Variants in TSPAN4 observed in about 807,000 individuals in gnomAD.
The protein encoded by TSPAN4 is tetraspanin-4.
A neutral mutation model predicts 31.5 loss-of-function variants in TSPAN4; 38 were observed. That is an observed-to-expected ratio of 1.21 (90% CI 0.93 to 1.58). The LOEUF (loss-of-function observed/expected upper bound fraction) is 1.58, where lower values mean the gene tolerates loss of function less well. Among genes scored for constraint, TSPAN4 ranks in the 40% most tolerant of loss-of-function variants. TSPAN4 has a pLI of 0.00. For synonymous variants in TSPAN4, 186 were observed against 144.6 expected, an observed-to-expected ratio of 1.29 and a Z score of -2.06; for missense variants, 330 against 317.3, an observed-to-expected ratio of 1.04 and a Z score of -0.30.
At chr11:856,843 C>T (rs1195590394) in intron 3 of TSPAN4, 3 of 152,262 alleles carry the variant, frequency 2.0e-5, no homozygotes, top group African/African-American at 4.8e-5. Context: ...ATTTTCCTGC[C>T]AAAATGTTTT....
intron 3 of TSPAN4, among the ~76,000 whole-genome samples, chr11:855,602 C>G (rs1243816477): frequency 6.6e-6 from 1 of 152,194 alleles, no homozygotes; most frequent in African/African-American, 2.4e-5. Context: ...TCTCTGGGCC[C>G]TGGGGTCCCT....
intron 4 of TSPAN4, 129 bp from the exon 5 acceptor site, chr11:864,308 T>TGG (rs1430124407): frequency 8.7e-7 from 1 of 1,148,730 alleles, no homozygotes; most frequent in African/African-American, 1.5e-5. Context: ...TCTCTGGGAG[T>TGG]GGGGGCCTGG....
At chr11:862,215 C>T (rs892964254) in intron 3 of TSPAN4, 11 of 327,820 alleles carry the variant, frequency 3.4e-5, no homozygotes, top group African/African-American at 8.6e-5. Context: ...GTGCAGACTG[C>T]GTCCTGGGGC....
At chr11:852,702 T>G (rs1847821262) in intron 3 of TSPAN4, among the ~76,000 whole-genome samples, 1 of 152,332 alleles carries the variant, frequency 6.6e-6, no homozygotes, top group Non-Finnish European at 1.5e-5. Context: ...AGGGCTCCTT[T>G]CCTTTTGGGG....
chr11:850,131 AGCCTATACGGGCGC>A, intron 2 of TSPAN4, 143 bp from the exon 3 acceptor site: 1 of 539,084 alleles, frequency 1.9e-6, no homozygotes, highest in South Asian at 2.4e-5. Context: ...GCGCTACAGC[AGCCTATACGGGCGC>A]GCGGGCGGCG....
chr11:865,739 T>A lies in TSPAN4; in HGVS notation c.478T>A (p.Tyr160Asn). The change falls in exon 7 of 9, where the codon TAC becomes AAC. Residue 160 changes from tyrosine (Y) to asparagine (N), a missense_variant. Physicochemically the swap from Tyr to Asn is moderately radical, Grantham distance 143. Coordinates refer to ENST00000397397, the MANE Select transcript of TSPAN4 (RefSeq NM_003271.5). ...CAACTACACTGACTGGTTCGAGGTGTACAACGCCACGCGGGTACCTGACTC... is the reference window on the plus strand; with the variant it reads ...CAACTACACTGACTGGTTCGAGGTGAACAACGCCACGCGGGTACCTGACTC... ...VSNYTDWFEVYNATRVPDSCC... is the reference protein window; with the variant it reads ...VSNYTDWFEVNNATRVPDSCC... 1.2e-6 allele frequency: 2 copies of A among 1,613,312 alleles called. No homozygotes were observed. Among genetic ancestry groups the A allele is most frequent in the Non-Finnish European group, 1.7e-6 (2 of 1,179,926 alleles).
At chr11:860,570 C>A (rs1253843409) in intron 3 of TSPAN4, among the ~76,000 whole-genome samples, 1 of 152,174 alleles carries the variant, frequency 6.6e-6, no homozygotes, top group African/African-American at 2.4e-5. Context: ...GGCCCCAGGC[C>A]TGTCTTGAGC....
chr11:847,170 G>A (rs1379685923), intron 1 of TSPAN4, 31 bp from the exon 2 acceptor site: 1 of 152,174 alleles, frequency 6.6e-6, no homozygotes, highest in Non-Finnish European at 1.5e-5. Context: ...TGGAAGCCAG[G>A]GCTCCACTCT....
At chr11:846,481 A>G (rs1322832705) in intron 1 of TSPAN4, among the ~76,000 whole-genome samples, 1 of 152,160 alleles carries the variant, frequency 6.6e-6, no homozygotes, top group Non-Finnish European at 1.5e-5. Context: ...ACCTCACTCC[A>G]GAGAGCTAGT....
intron 5 of TSPAN4, 168 bp downstream of exon 5, chr11:864,679 C>G: frequency 2.5e-6 from 2 of 789,460 alleles, no homozygotes; most frequent in Non-Finnish European, 4.1e-6. Flanking sequence ...CGCCAGCGAC[C>G]CTGGGAGGCT....
intron 3 of TSPAN4, among the ~76,000 whole-genome samples, chr11:851,711 G>A (rs1211982435): frequency 6.6e-6 from 1 of 152,008 alleles, no homozygotes; most frequent in African/African-American, 2.4e-5. Flanking sequence ...GGTGTGGTCT[G>A]GAGCTGGTGG....
chr11:859,992 G>A (rs761657783), intron 3 of TSPAN4, among the ~76,000 whole-genome samples: 7 of 152,204 alleles, frequency 4.6e-5, no homozygotes, highest in African/African-American at 1.7e-4. Context: ...TCCCCTGTGC[G>A]CTGTGCCTGG....
chr11:845,486 G>A (rs1023615561), intron 1 of TSPAN4, among the ~76,000 whole-genome samples: 1 of 152,148 alleles, frequency 6.6e-6, no homozygotes, highest in Non-Finnish European at 1.5e-5. Flanking sequence ...CTCATATGTC[G>A]GGGCTGGTGA....
Position 850,449 on chromosome 11 carries a change from G to A in TSPAN4, c.63+82G>A. 3 of 1,244,360 alleles carry A rather than the reference G, an allele frequency of 2.4e-6. No homozygotes were observed. In the South Asian group the frequency reaches 3.8e-5, roughly 16 times the overall value. The allele number at this position is 1,244,360 out of a possible 1,614,324, so 77.1% of individuals were successfully genotyped here. On this transcript the variant is annotated intron_variant, in intron 3 of 8. Transcript: ENST00000397397. ...GGGTCGCGGGGTCTGGGGAGTCGGA[G>A]TCGCTGCCCCGGCCAGGCGTTGGGT...
At chr11:844,057 C>G (rs12577118) in intron 1 of TSPAN4, 94,406 of 152,326 alleles carry the variant, frequency 0.62, 30,247 homozygotes, top group Admixed American at 0.72. Context: ...CTTCCCTTCC[C>G]TGACCCCCTC....
At chr11:866,025 T>C in intron 8 of TSPAN4, 24 bp downstream of exon 8, 1 of 1,607,648 alleles carries the variant, frequency 6.2e-7, no homozygotes, top group Non-Finnish European at 8.5e-7. Flanking sequence ...GCCTGCGGGC[T>C]CCCTGCCCCC....
intron 3 of TSPAN4, among the ~76,000 whole-genome samples, chr11:861,255 C>T (rs550675382): frequency 7.8e-4 from 118 of 152,240 alleles, no homozygotes; most frequent in Non-Finnish European, 1.2e-3. Flanking sequence ...AGGTGGCCCT[C>T]CGGGTGGCAG....
intron 3 of TSPAN4, among the ~76,000 whole-genome samples, chr11:854,112 C>T (rs1386786971): frequency 6.6e-6 from 1 of 152,232 alleles, no homozygotes; most frequent in African/African-American, 2.4e-5. Flanking sequence ...ACGGGGCCTG[C>T]TCTTCCCGCC....
chr11:852,673 C>T (rs570908411), intron 3 of TSPAN4, among the ~76,000 whole-genome samples: 15 of 152,244 alleles, frequency 9.9e-5, no homozygotes, highest in Non-Finnish European at 1.9e-4. Flanking sequence ...AGGAGTCAGG[C>T]CTAGCGCTCC....
Sources: gnomAD v4.1 joint callset for allele counts (sites outside exome capture counted in the v4.1 genomes callset) on GRCh38, gnomAD v4.1.1 for gene constraint, MANE v1.5 for transcripts, NCBI Gene and HGNC (gene_info 2026-07-23, HGNC 2026-07-21) for gene names.